Variants in MED24 observed in about 807,000 individuals in gnomAD.
MED24 encodes the protein mediator of RNA polymerase II transcription subunit 24.
MED24 carries 74 observed loss-of-function variants against 118.8 expected under a neutral mutation model. The ratio of observed to expected loss-of-function variants is 0.62; its 90% CI spans 0.52 to 0.76. The LOEUF is 0.76. Among genes scored for constraint, MED24 ranks in the 30% least tolerant of loss-of-function variants. MED24 has a pLI of 0.00. For synonymous variants in MED24, 521 were observed against 523.9 expected (o/e 0.99, Z 0.08); for missense variants, 1,041 against 1,278.9 (o/e 0.81, Z 2.84).
intron 3 of MED24, among the ~76,000 whole-genome samples, chr17:40,050,049 C>T (rs76532628): frequency 6.1e-5 from 9 of 147,330 alleles, no homozygotes; most frequent in Middle Eastern, 3.7e-3. Flanking sequence ...ACTCGGGAGG[C>T]TGAGGCAGAA....
chr17:40,051,985 G>A (rs1268539920), intron 3 of MED24, among the ~76,000 whole-genome samples: 4 of 151,728 alleles, frequency 2.6e-5, no homozygotes, highest in African/African-American at 7.3e-5. Context: ...AAGCTAGTGT[G>A]TTCTGAGCAC....
At chr17:40,043,846 C>T (rs1221699502) in intron 3 of MED24, among the ~76,000 whole-genome samples, 1 of 142,588 alleles carries the variant, frequency 7.0e-6, no homozygotes, top group Non-Finnish European at 1.5e-5. Context: ...AACCGAGATA[C>T]TGCCACTGCA....
chr17:40,033,152 G>A lies in MED24; in HGVS notation c.726C>T (p.Pro242=), dbSNP rs772555244. The A allele has an allele frequency of 6.2e-6, 10 of 1,614,010 alleles. No individual in the cohort carries two copies. The highest frequency in any genetic ancestry group is 8.5e-6 in the Non-Finnish European group (10 of 1,180,038). ...CGAGCAGGATCACGGCGTGGACAGT[G>A]GGGAAGCCGGTCTTGTGCATCTGCT... ...HAEQMHKTGF[P]TVHAVILLEG... The change falls in exon 8 of 26, where the codon CCC becomes CCT. Residue 242 remains proline (P), a synonymous_variant. Coordinates refer to ENST00000394128, the MANE Select transcript of MED24 (RefSeq NM_014815.4). This position sits in a 1 kb window ranked among gnomAD's most constrained non-coding sequence, Gnocchi z 5.2.
chr17:40,027,725 TG>T, intron 15 of MED24, 183 bp downstream of exon 15: 1 of 727,524 alleles, frequency 1.4e-6, no homozygotes, highest in Non-Finnish European at 2.3e-6. Flanking sequence ...AGGGATGGTC[TG>T]GGAAGAATCC....
intron 16 of MED24, 28 bp downstream of exon 16, chr17:40,027,355 C>A: frequency 6.2e-7 from 1 of 1,601,664 alleles, no homozygotes; most frequent in Non-Finnish European, 8.5e-7. Flanking sequence ...TCCCTTGAGC[C>A]CCCGTCCCGG....
At chr17:40,036,011 C>CA (rs1983892884) in intron 4 of MED24, 105 bp downstream of exon 4, 4 of 1,329,990 alleles carry the variant, frequency 3.0e-6, no homozygotes, top group Non-Finnish European at 3.2e-6. Flanking sequence ...CCAGAGGCAT[C>CA]ATGTGCTGCC....
At chr17:40,030,599 T>C (rs1364881025) in intron 12 of MED24, among the ~76,000 whole-genome samples, 1 of 152,034 alleles carries the variant, frequency 6.6e-6, no homozygotes, top group Non-Finnish European at 1.5e-5. Flanking sequence ...GGCCTATCAT[T>C]AGTCTTAAAT....
chr17:40,032,171 C>T, intron 9 of MED24, 81 bp from the exon 10 acceptor site: 1 of 1,487,760 alleles, frequency 6.7e-7, no homozygotes, highest in Non-Finnish European at 9.3e-7. Flanking sequence ...CCCCCCGAAC[C>T]CCTGCTCCAG....
At chr17:40,039,986 T>C (rs973127454) in intron 3 of MED24, among the ~76,000 whole-genome samples, 10 of 150,258 alleles carry the variant, frequency 6.7e-5, no homozygotes, top group Non-Finnish European at 1.0e-4. Context: ...GGTTTCACCA[T>C]GTTAGCCAGG....
intron 16 of MED24, 137 bp from the exon 17 acceptor site, chr17:40,027,171 G>A: frequency 8.2e-7 from 1 of 1,216,918 alleles, no homozygotes. Flanking sequence ...TGGTCTAAGG[G>A]AGCCAGACGG....
Position 40,027,458 on chromosome 17 carries a change from C to A in MED24, c.1455G>T (p.Pro485=). 6.2e-7 allele frequency: 1 copy of A among 1,611,386 alleles called. No homozygotes were observed. Among genetic ancestry groups the A allele is most frequent in the Non-Finnish European group, 8.5e-7 (1 of 1,178,698 alleles). The stretch of plus-strand genomic sequence containing the variant: ...CAAACAGCAGGGCCCGGACGGAGGC[C>A]GGTTTGGCTGTGGAAGGACGGGAAG... ...TTYGSEESTK[P]ASVRALLFDI... The change falls in exon 16 of 26, where the codon CCG becomes CCT. Residue 485 remains proline (P), a synonymous_variant. Coordinates refer to ENST00000394128, the MANE Select transcript of MED24 (RefSeq NM_014815.4).
At chr17:40,049,093 G>A (rs1366122153) in intron 3 of MED24, among the ~76,000 whole-genome samples, 1 of 152,018 alleles carries the variant, frequency 6.6e-6, no homozygotes, top group East Asian at 1.9e-4. Flanking sequence ...CATAATCCCA[G>A]CCTTTAGGAG....
intron 3 of MED24, among the ~76,000 whole-genome samples, chr17:40,041,553 C>T (rs964178494): frequency 2.0e-5 from 3 of 152,116 alleles, no homozygotes; most frequent in African/African-American, 7.2e-5. Context: ...AACTGCCTAC[C>T]GAGTATCCTC....
chr17:40,023,532 T>G, intron 19 of MED24, 137 bp from the exon 20 acceptor site: 1 of 825,198 alleles, frequency 1.2e-6, no homozygotes. Flanking sequence ...AGTTTTGCGC[T>G]GGGGGACGGT....
At chr17:40,046,240 A>C (rs1261963831) in intron 3 of MED24, among the ~76,000 whole-genome samples, 2 of 144,088 alleles carry the variant, frequency 1.4e-5, no homozygotes, top group Non-Finnish European at 3.0e-5. Flanking sequence ...ACCCGCCACC[A>C]CGCCCGGCTA....
At chr17:40,050,926 C>T (rs972778327) in intron 3 of MED24, among the ~76,000 whole-genome samples, 8 of 151,644 alleles carry the variant, frequency 5.3e-5, no homozygotes, top group Admixed American at 1.3e-4. Flanking sequence ...TACCTGAGGT[C>T]GGGAGTTTGA....
intron 3 of MED24, among the ~76,000 whole-genome samples, chr17:40,043,478 A>C (rs1984772269): frequency 6.6e-6 from 1 of 152,164 alleles, no homozygotes; most frequent in African/African-American, 2.4e-5. Context: ...GCTGGACAGG[A>C]GAACCGCCTG....
At chr17:40,026,830 T>C in intron 17 of MED24, 26 bp downstream of exon 17, 2 of 1,611,144 alleles carry the variant, frequency 1.2e-6, no homozygotes, top group Non-Finnish European at 1.7e-6. Flanking sequence ...ACCGCCACCC[T>C]TGGAGTGGGC....
intron 13 of MED24, 106 bp from the exon 14 acceptor site, chr17:40,029,074 ATCTT>A: frequency 6.8e-7 from 1 of 1,470,718 alleles, no homozygotes; most frequent in South Asian, 1.2e-5. Flanking sequence ...TGTAATCTAC[ATCTT>A]TCTGACTTCA....
Sources: gnomAD v4.1 joint callset for allele counts (sites outside exome capture counted in the v4.1 genomes callset) on GRCh38, gnomAD v4.1.1 for gene constraint, Gnocchi (gnomAD v3.1) non-coding constraint, MANE v1.5 for transcripts, NCBI Gene and HGNC (gene_info 2026-07-23, HGNC 2026-07-21) for gene names.